Variants in STAT3 observed in about 807,000 individuals in gnomAD.
The protein encoded by STAT3 is signal transducer and activator of transcription 3, also known as DNA-binding protein APRF.
In STAT3, 7 loss-of-function variants were observed where a neutral mutation model predicts 114.3. That is an observed-to-expected ratio of 0.06 (90% CI 0.03 to 0.11). STAT3 has a LOEUF of 0.11. Among genes scored for constraint, STAT3 ranks in the 10% least tolerant of loss-of-function variants. STAT3 has a pLI of 1.00. For synonymous variants in STAT3, 331 were observed against 354.5 expected, an observed-to-expected ratio of 0.93 and a Z score of 0.74; for missense variants, 364 against 960.9, an observed-to-expected ratio of 0.38 and a Z score of 8.21.
chr17:42,326,266 G>A, intron 14 of STAT3, 67 bp from the exon 15 acceptor site: 1 of 1,448,066 alleles, frequency 6.9e-7, no homozygotes, highest in Non-Finnish European at 9.7e-7. Context: ...CCAGCACTTT[G>A]GGAGGCCAAG....
chr17:42,322,623 C>G, intron 20 of STAT3, 129 bp from the exon 21 acceptor site: 3 of 994,522 alleles, frequency 3.0e-6, no homozygotes, highest in Non-Finnish European at 3.2e-6. Context: ...CCCTGAACAC[C>G]CTGTTCAGTG....
chr17:42,319,459 T>C (rs1200407841), intron 21 of STAT3, among the ~76,000 whole-genome samples: 1 of 146,876 alleles, frequency 6.8e-6, no homozygotes, highest in Non-Finnish European at 1.5e-5. Flanking sequence ...TGAGAATCTC[T>C]TGAACCTGGG....
At chr17:42,344,732 A>G (rs550163455) in intron 4 of STAT3, among the ~76,000 whole-genome samples, 67 of 150,934 alleles carry the variant, frequency 4.4e-4, no homozygotes, top group African/African-American at 1.3e-3. Context: ...AAAAAAAAAA[A>G]AGAGAGATGA....
chr17:42,357,613 A>C (rs1471006622), intron 1 of STAT3, among the ~76,000 whole-genome samples: 2 of 152,164 alleles, frequency 1.3e-5, no homozygotes, highest in Non-Finnish European at 2.9e-5. Flanking sequence ...CAGAGGTTGC[A>C]GTGAACCAAG....
chr17:42,368,782 G>C (rs2083944502), intron 1 of STAT3, among the ~76,000 whole-genome samples: 1 of 150,710 alleles, frequency 6.6e-6, no homozygotes, highest in Admixed American at 6.6e-5. Flanking sequence ...ACACGTGCAA[G>C]TTTGTTATAT....
chr17:42,360,059 CA>C lies in STAT3; in HGVS notation c.-23-11521del, dbSNP rs71157617. On this transcript the variant is annotated intron_variant, in intron 1 of 23. Coordinates refer to ENST00000264657, the MANE Select transcript of STAT3 (RefSeq NM_139276.3). ...TGGGCGGCAGAGCAAGACTCCGTCT[CA>C]AAAAAAAAAAAAAAAAAAAAAGATT... 3.7e-3 allele frequency among the ~76,000 whole-genome samples: 177 copies of C among 47,474 alleles called. 1 individual carries two copies. The highest frequency in any genetic ancestry group is 0.033 in the Middle Eastern group (2 of 60). 31.1% of individuals were successfully genotyped at this position (47,474 alleles called of 152,430 possible). A position where few individuals can be genotyped will look rare whatever the true frequency, so the allele number is the denominator to read the frequency against.
intron 4 of STAT3, among the ~76,000 whole-genome samples, chr17:42,343,145 C>A (rs1189892720): frequency 5.5e-5 from 8 of 144,626 alleles, no homozygotes; most frequent in African/African-American, 2.1e-4. Flanking sequence ...GCACTCCAGC[C>A]TGGGTGACAG....
At position 42,337,829 on chromosome 17, in the gene STAT3, C is replaced by T; in HGVS notation, c.579G>A (p.Gln193=). 1 of 1,614,258 alleles carries T rather than the reference C, an allele frequency of 6.2e-7. No homozygotes were observed. The highest frequency in any genetic ancestry group is 8.5e-7 in the Non-Finnish European group (1 of 1,180,056). Residue 193 remains glutamine (Q), a synonymous_variant, in exon 7 of 24, where the codon CAG becomes CAA. Coordinates refer to ENST00000264657, the MANE Select transcript of STAT3 (RefSeq NM_139276.3). The surrounding 1 kb of genome is among the most constrained non-coding windows in gnomAD (Gnocchi z 4.0). ...GDMQDLNGNN[Q]SVTRQKMQQL... is the part of the protein sequence containing the mutation. ...GCTGCATCTTCTGCCTGGTCACTGA[C>T]TGGTTGTTTCCATTCAGATCTTGCA...
intron 3 of STAT3, 138 bp downstream of exon 3, chr17:42,346,431 A>G: frequency 7.7e-7 from 1 of 1,297,840 alleles, no homozygotes; most frequent in Non-Finnish European, 1.1e-6. Context: ...GAAAGGGCTA[A>G]TTACTTCTCC....
Position 42,384,128 on chromosome 17 carries a change from ATTTAT to A in STAT3, c.-24+4146_-24+4150del, listed in dbSNP as rs780008968. On this transcript the variant is annotated intron_variant, in intron 1 of 23. Transcript: ENST00000264657. ...CAAAGTTTTATTTATTTATTTATTT[ATTTAT>A]TTTTTTTTTTTTTGAGACGGAGTCT... Among the ~76,000 whole-genome samples the A allele has an allele frequency of 4.8e-3, 412 of 86,372 alleles. 1 individual carries two copies. The highest frequency in any genetic ancestry group is 7.7e-3 in the Non-Finnish European group (298 of 38,468). The allele number at this position is 86,372 out of a possible 152,430, so 56.7% of individuals were successfully genotyped here.
At chr17:42,388,246 C>T (rs771721887) in intron 1 of STAT3, 33 bp downstream of exon 1, 58 of 1,231,788 alleles carry the variant, frequency 4.7e-5, no homozygotes, top group Non-Finnish European at 5.7e-5. Flanking sequence ...GTCCCCAGGC[C>T]TCCCCAACGG....
chr17:42,324,632 TG>T lies in STAT3; in HGVS notation c.1600+78del, dbSNP rs1358971319. ...AACATGGCCTAATGCTCAGTAGACA[TG>T]GCCCAAATGAACAGCCCTATGGGCC... is the stretch of plus-strand genomic sequence containing the variant. On this transcript the variant is annotated intron_variant, in intron 17 of 23. Coordinates refer to ENST00000264657, the MANE Select transcript of STAT3 (RefSeq NM_139276.3). This position sits in a 1 kb window ranked among gnomAD's most constrained non-coding sequence, Gnocchi z 4.5. 7 of 1,494,928 alleles carry T rather than the reference TG, an allele frequency of 4.7e-6. No individual in the cohort carries two copies. Among genetic ancestry groups the T allele is most frequent in the Admixed American group, 2.3e-5 (1 of 44,176 alleles). The allele number at this position is 1,494,928 out of a possible 1,614,324, so 92.6% of individuals were successfully genotyped here. A position where few individuals can be genotyped will look rare whatever the true frequency, so the allele number is the denominator to read the frequency against.
At chr17:42,357,201 A>G (rs994417038) in intron 1 of STAT3, among the ~76,000 whole-genome samples, 10 of 152,182 alleles carry the variant, frequency 6.6e-5, no homozygotes, top group African/African-American at 2.2e-4. Flanking sequence ...AGATTTGGAA[A>G]CCCCAATTTA....
At position 42,337,509 on chromosome 17, in the gene STAT3, A is replaced by G. The variant is rs139588729; in HGVS notation, c.723T>C (p.Ala241=). 2.5e-6 allele frequency: 4 copies of G among 1,614,224 alleles called. No individual in the cohort carries two copies. The highest frequency in any genetic ancestry group is 3.4e-6 in the Non-Finnish European group (4 of 1,180,048). The stretch of plus-strand genomic sequence containing the variant: ...CAATCTGTTGCCGCCTCTTCCAGTC[A>G]GCCAGCTCCTCGTCCGTGAGAGTTT... ...VQKTLTDEEL[A]DWKRRQQIAC... is the part of the protein sequence containing the mutation. Residue 241 remains alanine, a synonymous_variant, in exon 8 of 24, where the codon GCT becomes GCC. Coordinates refer to ENST00000264657, the MANE Select transcript of STAT3 (RefSeq NM_139276.3). This position sits in a 1 kb window ranked among gnomAD's most constrained non-coding sequence, Gnocchi z 4.0.
At chr17:42,386,195 C>T (rs1008413677) in intron 1 of STAT3, among the ~76,000 whole-genome samples, 27 of 151,222 alleles carry the variant, frequency 1.8e-4, no homozygotes, top group East Asian at 7.8e-4. Context: ...GCAGGAGAAT[C>T]GCTTGAACCC....
intron 1 of STAT3, among the ~76,000 whole-genome samples, chr17:42,384,000 A>T (rs995521206): frequency 3.9e-5 from 6 of 152,246 alleles, no homozygotes; most frequent in African/African-American, 1.4e-4. Flanking sequence ...GGCAGAGGGC[A>T]TATGCACTGA....
intron 1 of STAT3, among the ~76,000 whole-genome samples, chr17:42,353,406 A>G (rs1469300199): frequency 1.3e-5 from 2 of 151,866 alleles, no homozygotes; most frequent in African/African-American, 2.4e-5. Flanking sequence ...AAGAAAAAGA[A>G]ACTAAAAGAA....
intron 23 of STAT3, 134 bp from the exon 24 acceptor site, chr17:42,315,934 T>C: frequency 6.4e-7 from 1 of 1,561,150 alleles, no homozygotes; most frequent in South Asian, 1.2e-5. Context: ...GGCCCAGGGA[T>C]GGTCAGAAAA....
In STAT3 at chr17:42,337,718, A is replaced by C; in HGVS notation, c.645+45T>G. On this transcript the variant is annotated intron_variant, in intron 7 of 23. Transcript: ENST00000264657. This position sits in a 1 kb window ranked among gnomAD's most constrained non-coding sequence, Gnocchi z 4.0. ...TGCCACAAGACGCTGAAATCCCGCA[A>C]GTGAGCGAGACACATGGGGGAAGTG... is the stretch of plus-strand genomic sequence containing the variant. 1 of 1,613,144 alleles carries C rather than the reference A, an allele frequency of 6.2e-7. No homozygotes were observed.
Sources: allele counts gnomAD v4.1 joint callset (sites outside exome capture counted in the v4.1 genomes callset), GRCh38; gene constraint gnomAD v4.1.1; non-coding constraint Gnocchi (gnomAD v3.1); transcripts MANE v1.5; gene names NCBI Gene and HGNC (gene_info 2026-07-23, HGNC 2026-07-21).